The following ENG variants were observed in gnomAD, a reference collection of about 807,000 sequenced individuals.
ENG encodes endoglin.
In ENG, 17 loss-of-function variants were observed where a neutral mutation model predicts 71.0. The observed-to-expected ratio is 0.24, with a 90% CI of 0.16 to 0.36. The LOEUF is 0.36. Among genes scored for constraint, ENG ranks in the 10% least tolerant of loss-of-function variants. ENG has a pLI of 1.00. For synonymous variants in ENG, 360 were observed against 366.9 expected, an observed-to-expected ratio of 0.98 and a Z score of 0.21; for missense variants, 749 against 868.3, an observed-to-expected ratio of 0.86 and a Z score of 1.73.
At chr9:127,853,517 C>G (rs1215730693) in intron 1 of ENG, among the ~76,000 whole-genome samples, 4 of 152,156 alleles carry the variant, frequency 2.6e-5, no homozygotes, top group Admixed American at 2.6e-4. Context: ...GCCATGACCC[C>G]TTGGAAGAGC....
At chr9:127,818,465 AG>A in intron 11 of ENG, 88 bp from the exon 12 acceptor site, 1 of 1,577,750 alleles carries the variant, frequency 6.3e-7, no homozygotes, top group Admixed American at 1.8e-5. Flanking sequence ...TAGAATTAAG[AG>A]TTCCCACCCC....
chr9:127,824,451 G>T lies in ENG; in HGVS notation c.992-5C>A, dbSNP rs765715581. ...GTGAGGTCTGCAGCCTACCACCTGT[G>T]GGGTAGCAGAGGCAGGCCAGGCGGC... On this transcript the variant is annotated splice_polypyrimidine_tract_variant and splice_region_variant and intron_variant, in intron 7 of 14. Coordinates refer to ENST00000373203, the MANE Select transcript of ENG (RefSeq NM_001114753.3). 19 of 1,613,696 alleles carry T rather than the reference G, an allele frequency of 1.2e-5. No homozygotes were observed. In the South Asian group the frequency reaches 1.8e-4, roughly 15 times the overall value.
chr9:127,818,931 CCTGA>C (rs903828456), intron 10 of ENG, 99 bp from the exon 11 acceptor site: 24 of 999,852 alleles, frequency 2.4e-5, no homozygotes, highest in East Asian at 1.2e-4. Flanking sequence ...TGTGGAGTTG[CCTGA>C]CTCTCTTTTT....
In ENG at chr9:127,838,372, C is replaced by T. The variant is rs933624683; in HGVS notation, c.219+4722G>A. Among the ~76,000 whole-genome samples the T allele has an allele frequency of 7.2e-5, 11 of 152,172 alleles. No homozygotes were observed. Among genetic ancestry groups the T allele is most frequent in the African/African-American group, 1.2e-4 (5 of 41,428 alleles). ...GAGGGCCAGAGGGAGACTGCTTCCCCCAAGCCCAGGCAGGGGTCCCCTTTG... is the reference window on the plus strand; with the variant it reads ...GAGGGCCAGAGGGAGACTGCTTCCCTCAAGCCCAGGCAGGGGTCCCCTTTG... On this transcript the variant is annotated intron_variant, in intron 2 of 14. Transcript: ENST00000373203. This position sits in a 1 kb window ranked among gnomAD's most constrained non-coding sequence, Gnocchi z 4.3.
chr9:127,837,993 G>T (rs1285598349), intron 2 of ENG, among the ~76,000 whole-genome samples: 1 of 152,006 alleles, frequency 6.6e-6, no homozygotes, highest in Non-Finnish European at 1.5e-5. Flanking sequence ...GGCAGCCTCT[G>T]GCCCCAGTGC....
chr9:127,817,315 T>C lies in ENG; in HGVS notation c.1687-112A>G, dbSNP rs1355294296. Reference sequence around the variant, plus strand: ...TAGAGCCTTGGCTTTGAATCCCATCTCCACCGCTTCGTAGCTGGATGCCTC... The same window carrying C: ...TAGAGCCTTGGCTTTGAATCCCATCCCCACCGCTTCGTAGCTGGATGCCTC... On this transcript the variant is annotated intron_variant, in intron 12 of 14. Coordinates refer to ENST00000373203, the MANE Select transcript of ENG (RefSeq NM_001114753.3). 5.5e-6 allele frequency: 6 copies of C among 1,093,366 alleles called. No individual in the cohort carries two copies. In the South Asian group the frequency reaches 6.6e-5, roughly 12 times the overall value. The allele number at this position is 1,093,366 out of a possible 1,614,324, so 67.7% of individuals were successfully genotyped here. A position where few individuals can be genotyped will look rare whatever the true frequency, so the allele number is the denominator to read the frequency against.
chr9:127,816,077 C>T, intron 13 of ENG, 24 bp from the exon 14 acceptor site: 1 of 1,602,924 alleles, frequency 6.2e-7, no homozygotes, highest in South Asian at 1.1e-5. Context: ...ACGCCATCAG[C>T]ACTGCCACTC....
At chr9:127,825,661 G>C in intron 5 of ENG, 34 bp downstream of exon 5, 1 of 1,511,190 alleles carries the variant, frequency 6.6e-7, no homozygotes, top group Non-Finnish European at 8.8e-7. Flanking sequence ...TCTCGGGGTG[G>C]GGACTAGTGT....
At chr9:127,831,183 CAG>C (rs1406003382) in intron 2 of ENG, among the ~76,000 whole-genome samples, 4 of 142,158 alleles carry the variant, frequency 2.8e-5, no homozygotes, top group Admixed American at 7.1e-5. Flanking sequence ...TTTTTAGAGA[CAG>C]AGTCTCCCTC....
Position 127,819,981 on chromosome 9 carries a change from C to G in ENG, c.1191G>C (p.Glu397Asp). The G allele has an allele frequency of 1.2e-6, 2 of 1,614,224 alleles. No homozygotes were observed. Among genetic ancestry groups the G allele is most frequent in the Non-Finnish European group, 1.7e-6 (2 of 1,180,040 alleles). The stretch of plus-strand genomic sequence containing the variant: ...GCAAGACAAACTTGTCACCCCTGTC[C>G]TCTGCCTCACAGCTGGGGTCCCAGA... ...LTFWDPSCEA[E>D]DRGDKFVLRS... is the part of the protein sequence containing the mutation. The change falls in exon 9 of 15, where the codon GAG (glutamate) becomes GAC (aspartate). Residue 397 changes from glutamate (E) to aspartate (D), a missense_variant. By Grantham distance (45) the Glu-to-Asp change is conservative. Transcript: ENST00000373203.
At chr9:127,818,520 AGAG>A in intron 11 of ENG, 143 bp from the exon 12 acceptor site, 2 of 1,484,636 alleles carry the variant, frequency 1.3e-6, no homozygotes, top group South Asian at 1.2e-5. Flanking sequence ...TGTCTGGGGC[AGAG>A]GAGGAGGACA....
Position 127,825,302 on chromosome 9 carries a change from C to A in ENG, c.745G>T (p.Ala249Ser). 6.2e-7 allele frequency: 1 copy of A among 1,609,670 alleles called. No homozygotes were observed. The highest frequency in any genetic ancestry group is 1.7e-5 in the Admixed American group (1 of 59,396). The change falls in exon 6 of 15, where the codon GCC becomes TCC. Residue 249 changes from alanine (A) to serine (S), a missense_variant. By Grantham distance (99) the Ala-to-Ser change is moderately conservative. Coordinates refer to ENST00000373203, the MANE Select transcript of ENG (RefSeq NM_001114753.3). ...GGGGGACCCTGCAGGATGAGGACGG[C>A]ATCGAGATCCCCGGGTGCGCAGCTC... ...ELSCAPGDLD[A>S]VLILQGPPYV...
At chr9:127,820,697 C>T (rs1004288471) in intron 8 of ENG, among the ~76,000 whole-genome samples, 13 of 151,360 alleles carry the variant, frequency 8.6e-5, no homozygotes, top group African/African-American at 1.5e-4. Context: ...GGCGTGGTGG[C>T]GGGCTCCCGT....
chr9:127,820,679 A>G (rs1830447406), intron 8 of ENG, among the ~76,000 whole-genome samples: 1 of 151,252 alleles, frequency 6.6e-6, no homozygotes. Context: ...ATACAAAAAA[A>G]TTAGCCGGGC....
chr9:127,844,032 A>C (rs1831114019), intron 1 of ENG, among the ~76,000 whole-genome samples: 1 of 149,840 alleles, frequency 6.7e-6, no homozygotes. Flanking sequence ...CGGCCTCCCA[A>C]AGTGCTGGGA....
At chr9:127,818,936 CTCTCT>C in intron 10 of ENG, 104 bp from the exon 11 acceptor site, 1 of 912,574 alleles carries the variant, frequency 1.1e-6, no homozygotes, top group South Asian at 1.4e-5. Context: ...AGTTGCCTGA[CTCTCT>C]TTTTTTTTTT....
intron 5 of ENG, 124 bp from the exon 6 acceptor site, chr9:127,825,481 T>C (rs1830588523): frequency 6.8e-7 from 1 of 1,468,196 alleles, no homozygotes; most frequent in Non-Finnish European, 9.3e-7. Flanking sequence ...GGGATAGGGA[T>C]GGGACTGGGG....
chr9:127,844,350 C>A (rs1362959441), intron 1 of ENG, among the ~76,000 whole-genome samples: 2 of 152,040 alleles, frequency 1.3e-5, no homozygotes, highest in Admixed American at 1.3e-4. Context: ...TCGTCTTGAA[C>A]TCCCAACCTC....
At chr9:127,819,879 C>T (rs202201240) in intron 9 of ENG, 21 bp downstream of exon 9, 1 of 1,614,212 alleles carries the variant, frequency 6.2e-7, no homozygotes, top group East Asian at 2.2e-5. Context: ...GTCCTGATAC[C>T]TTTTTGGCCC....
Sources: gnomAD v4.1 joint callset for allele counts (sites outside exome capture counted in the v4.1 genomes callset) on GRCh38, gnomAD v4.1.1 for gene constraint, Gnocchi (gnomAD v3.1) non-coding constraint, MANE v1.5 for transcripts, NCBI Gene and HGNC (gene_info 2026-07-23, HGNC 2026-07-21) for gene names.